Variants in PRR16 observed in about 807,000 individuals in gnomAD.
PRR16 encodes proline rich 16.
PRR16 carries 6 observed loss-of-function variants against 18.2 expected under a neutral mutation model. That is an observed-to-expected ratio of 0.33 (90% CI 0.18 to 0.65). The LOEUF (loss-of-function observed/expected upper bound fraction) is 0.65. PRR16 is among the 30% of genes least tolerant of loss of function. The pLI is 0.74. For synonymous variants in PRR16, 151 were observed against 147.8 expected (o/e 1.02, Z -0.16); for missense variants, 412 against 376.6 (o/e 1.09, Z -0.78).
intron 1 of PRR16, among the ~76,000 whole-genome samples, chr5:120,614,217 T>TA (rs1256067982): frequency 6.6e-6 from 1 of 152,232 alleles, no homozygotes; most frequent in Non-Finnish European, 1.5e-5. Context: ...AAGTTGAGTG[T>TA]AAAACCTATC....
At chr5:120,605,880 G>T (rs996234851) in intron 1 of PRR16, among the ~76,000 whole-genome samples, 2 of 152,148 alleles carry the variant, frequency 1.3e-5, no homozygotes, top group Admixed American at 6.5e-5. Flanking sequence ...AGCACCTCCT[G>T]CACTTAGTAG....
chr5:120,788,434 G>T, the PRR16 span, among the ~76,000 whole-genome samples: 1 of 152,120 alleles, frequency 6.6e-6, no homozygotes, highest in Non-Finnish European at 1.5e-5. Flanking sequence ...CACATTTGTG[G>T]AAAGTCGGCT....
intron 1 of PRR16, among the ~76,000 whole-genome samples, chr5:120,553,960 C>T (rs1217196734): frequency 2.0e-5 from 3 of 151,906 alleles, no homozygotes; most frequent in African/African-American, 7.2e-5. Context: ...AATCATGCTG[C>T]AGTAAATTCT....
intron 1 of PRR16, among the ~76,000 whole-genome samples, chr5:120,683,501 CAAA>C (rs11385880): frequency 8.9e-6 from 1 of 112,060 alleles, no homozygotes. Flanking sequence ...CACTCCGTCT[CAAA>C]AAAAAAAAAA....
intron 1 of PRR16, among the ~76,000 whole-genome samples, chr5:120,499,482 A>G (rs1750375348): frequency 1.3e-5 from 2 of 151,730 alleles, no homozygotes; most frequent in Non-Finnish European, 2.9e-5. Flanking sequence ...GATGATTTCT[A>G]CTTCTATTGT....
At chr5:120,783,432 G>A in the PRR16 span, among the ~76,000 whole-genome samples, 1 of 152,034 alleles carries the variant, frequency 6.6e-6, no homozygotes, top group African/African-American at 2.4e-5. Flanking sequence ...GCAGAAAGTA[G>A]AACGTACTAG....
chr5:120,758,205 G>T, the PRR16 span, among the ~76,000 whole-genome samples: 2 of 152,018 alleles, frequency 1.3e-5, no homozygotes, highest in Non-Finnish European at 2.9e-5. Context: ...TATTTATTAT[G>T]AAATATGTTA....
the PRR16 span, among the ~76,000 whole-genome samples, chr5:120,773,645 T>C: frequency 1.3e-5 from 2 of 152,072 alleles, no homozygotes; most frequent in Non-Finnish European, 2.9e-5. Context: ...TTTGTTTTTT[T>C]TGAAGGAAAG....
At chr5:120,567,326 C>A (rs1380231514) in intron 1 of PRR16, among the ~76,000 whole-genome samples, 1 of 152,088 alleles carries the variant, frequency 6.6e-6, no homozygotes, top group Non-Finnish European at 1.5e-5. Context: ...GATAGGACTT[C>A]TTATCTGAGA....
the PRR16 span, among the ~76,000 whole-genome samples, chr5:120,692,704 T>G: frequency 6.6e-6 from 1 of 152,196 alleles, no homozygotes; most frequent in African/African-American, 2.4e-5. Context: ...TTTCTTTTTA[T>G]ATTACCTAAT....
chr5:120,794,217 T>A, the PRR16 span, among the ~76,000 whole-genome samples: 1 of 152,130 alleles, frequency 6.6e-6, no homozygotes, highest in Non-Finnish European at 1.5e-5. Context: ...TATATCTGAC[T>A]GAGTATAAAC....
chr5:120,758,759 A>G, the PRR16 span, among the ~76,000 whole-genome samples: 5 of 151,752 alleles, frequency 3.3e-5, no homozygotes, highest in Middle Eastern at 0.01. Flanking sequence ...GAGTCAATAA[A>G]CCTCCTTTGT....
In PRR16 at chr5:120,686,831, G is replaced by A. The variant is rs1757144428; in HGVS notation, c.*122G>A. ...ATATTAATCCTGCATTCAGCAAAGT[G>A]GCATAAAAATCACCTGGTAAGTATG... is the stretch of plus-strand genomic sequence containing the variant. On this transcript the variant is annotated 3_prime_UTR_variant, in exon 2 of 2. Transcript: ENST00000407149. 2.5e-6 allele frequency: 2 copies of A among 801,230 alleles called. No individual in the cohort carries two copies. The highest frequency in any genetic ancestry group is 3.7e-5 in the Admixed American group (1 of 27,144). The allele number at this position is 801,230 out of a possible 1,614,324, so 49.6% of individuals were successfully genotyped here.
At chr5:120,662,264 T>A (rs745421426) in intron 1 of PRR16, among the ~76,000 whole-genome samples, 1 of 152,156 alleles carries the variant, frequency 6.6e-6, no homozygotes, top group African/African-American at 2.4e-5. Context: ...TGTATTTTAC[T>A]CTTACCATAG....
intron 1 of PRR16, among the ~76,000 whole-genome samples, chr5:120,650,686 C>T (rs1755752279): frequency 6.6e-6 from 1 of 152,096 alleles, no homozygotes; most frequent in Non-Finnish European, 1.5e-5. Context: ...CATAGTATTC[C>T]ATGGTGTATA....
rs1218677978 is a variant in PRR16, at chr5:120,464,378, A to C, written c.-109A>C. ...CTCGCCGCTGCCCAGGGAGCGCCCA[A>C]GATGTGGGGGGACCGGGGCGGCAGC... On this transcript the variant is annotated 5_prime_UTR_variant, in exon 1 of 2. Transcript: ENST00000407149. 1 of 1,275,724 alleles carries C rather than the reference A, an allele frequency of 7.8e-7. No individual in the cohort carries two copies. Among genetic ancestry groups the C allele is most frequent in the Non-Finnish European group, 1.0e-6 (1 of 966,560 alleles). The allele number at this position is 1,275,724 out of a possible 1,614,324, so 79.0% of individuals were successfully genotyped here. A position where few individuals can be genotyped will look rare whatever the true frequency, so the allele number is the denominator to read the frequency against.
the PRR16 span, among the ~76,000 whole-genome samples, chr5:120,753,333 C>T: frequency 3.3e-5 from 5 of 152,008 alleles, no homozygotes; most frequent in South Asian, 6.2e-4. Flanking sequence ...GAGGTTAAAA[C>T]GTCTTTTGCA....
At chr5:120,501,840 C>T (rs1233703274) in intron 1 of PRR16, among the ~76,000 whole-genome samples, 1 of 151,182 alleles carries the variant, frequency 6.6e-6, no homozygotes, top group South Asian at 2.1e-4. Context: ...CCTGTAGTCC[C>T]AGCTACTCAG....
At chr5:120,605,381 T>C (rs533778259) in intron 1 of PRR16, among the ~76,000 whole-genome samples, 5 of 152,314 alleles carry the variant, frequency 3.3e-5, no homozygotes, top group African/African-American at 1.2e-4. Context: ...ACAAGTTCAG[T>C]TTGGTTCTTT....
Sources: gnomAD v4.1 joint callset for allele counts (sites outside exome capture counted in the v4.1 genomes callset) on GRCh38, gnomAD v4.1.1 for gene constraint, MANE v1.5 for transcripts, NCBI Gene and HGNC (gene_info 2026-07-23, HGNC 2026-07-21) for gene names.